CALN1: variants seen among roughly 807,000 people sequenced by gnomAD.
The protein encoded by CALN1 is calneuron 1.
In CALN1, 17 loss-of-function variants were observed where a neutral mutation model predicts 30.6. The observed-to-expected ratio is 0.56, with a 90% CI of 0.38 to 0.83. The LOEUF is 0.83. Ranked by LOEUF, CALN1 falls within the 40% of genes least tolerant of loss-of-function variation. The probability of loss-of-function intolerance (pLI) is 0.00; values close to 1 mark genes in which losing one functional copy is unlikely to be tolerated. For missense variants in CALN1, 291 were observed against 354.9 expected (o/e 0.82, Z 1.45); for synonymous variants, 156 against 131.4 (o/e 1.19, Z -1.28).
intron 3 of CALN1, among the ~76,000 whole-genome samples, chr7:72,174,028 C>G (rs1468395829): frequency 1.3e-5 from 2 of 151,032 alleles, no homozygotes; most frequent in African/African-American, 2.4e-5. Context: ...ATATTTGCAA[C>G]ATGCATGCAA....
At chr7:71,827,492 C>T (rs143250999) in intron 5 of CALN1, among the ~76,000 whole-genome samples, 42 of 152,160 alleles carry the variant, frequency 2.8e-4, no homozygotes, top group African/African-American at 9.2e-4. Flanking sequence ...AGAGTGAGGA[C>T]GGGCATGGTG....
chr7:72,384,816 T>A (rs1459633824), intron 2 of CALN1, among the ~76,000 whole-genome samples: 2 of 152,042 alleles, frequency 1.3e-5, no homozygotes, highest in Admixed American at 1.3e-4. Context: ...AATTACTAGT[T>A]TGGACATTAT....
At position 71,786,800 on chromosome 7, in the gene CALN1, G is replaced by C. The variant is rs1025648986; in HGVS notation, c.*975C>G. ...GGTCTCCATGACTCCAGATGGCTGG[G>C]TGTGGGTATCAAAACCTCACCGCCA... On this transcript the variant is annotated 3_prime_UTR_variant, in exon 7 of 7. Transcript: ENST00000395275. The C allele has an allele frequency of 3.3e-5, 5 of 152,186 alleles. No individual in the cohort carries two copies. Among genetic ancestry groups the C allele is most frequent in the Non-Finnish European group, 5.9e-5 (4 of 68,054 alleles). The allele number at this position is 152,186 out of a possible 1,614,324, so 9.4% of individuals were successfully genotyped here.
At chr7:72,446,084 G>A (rs550217136) in intron 1 of CALN1, among the ~76,000 whole-genome samples, 4 of 152,112 alleles carry the variant, frequency 2.6e-5, no homozygotes, top group Admixed American at 1.3e-4. Flanking sequence ...CCCCAGAGAT[G>A]ACTGTCACTC....
upstream of CALN1, chr7:72,412,365 T>TA (rs1318161231): frequency 1.3e-5 from 2 of 152,210 alleles, no homozygotes; most frequent in Non-Finnish European, 2.9e-5. Flanking sequence ...AGCCAGCTTT[T>TA]ATTCTCTTAT....
chr7:72,443,757 G>A lies in CALN1; in HGVS notation c.-226+3285C>T, dbSNP rs758004433. On this transcript the variant is annotated intron_variant, in intron 1 of 6. Transcript: ENST00000395276. ...GAGAACAGGGGGCAGCCAATCTCAC[G>A]TGGGTTCCTCCAACCCCTAGCTAGA... is the stretch of plus-strand genomic sequence containing the variant. Among the ~76,000 whole-genome samples, 6 of 151,982 alleles carry A rather than the reference G, an allele frequency of 3.9e-5. 1 individual carries two copies. In the East Asian group the frequency reaches 7.9e-4, roughly 20 times the overall value.
chr7:72,015,959 G>A (rs1263442679), intron 5 of CALN1, among the ~76,000 whole-genome samples: 4 of 152,082 alleles, frequency 2.6e-5, no homozygotes, highest in African/African-American at 9.7e-5. Context: ...GATTAAGAAT[G>A]GAAGAGAGGC....
In CALN1 at chr7:72,095,430, A is replaced by C. The variant is rs570229068; in HGVS notation, c.388+10721T>G. On this transcript the variant is annotated intron_variant, in intron 4 of 6. Transcript: ENST00000395275. ...AAAAGCACACAAGCCATAATTCACT[A>C]ACACAGAGTGAAATACAAAAGAGTT... 4.6e-5 allele frequency among the ~76,000 whole-genome samples: 7 copies of C among 152,330 alleles called. No homozygotes were observed. The South Asian group carries it at 1.2e-3, about 27-fold the overall frequency.
At chr7:72,282,504 G>A (rs1461609806) in intron 2 of CALN1, among the ~76,000 whole-genome samples, 1 of 152,132 alleles carries the variant, frequency 6.6e-6, no homozygotes, top group Non-Finnish European at 1.5e-5. Context: ...TCACTGATGG[G>A]ATTAATACCC....
chr7:72,181,397 A>T (rs1789795059), intron 3 of CALN1, among the ~76,000 whole-genome samples: 1 of 151,852 alleles, frequency 6.6e-6, no homozygotes, highest in Non-Finnish European at 1.5e-5. Context: ...GGGCAGTGGA[A>T]ATCCTTTCAG....
At chr7:71,904,964 G>A (rs1267800452) in intron 5 of CALN1, among the ~76,000 whole-genome samples, 1 of 151,934 alleles carries the variant, frequency 6.6e-6, no homozygotes, top group Non-Finnish European at 1.5e-5. Flanking sequence ...ATTGAGACGG[G>A]GTCTTGCTTT....
chr7:71,847,788 G>GAAGAA (rs1562835625), intron 5 of CALN1, among the ~76,000 whole-genome samples: 17 of 146,914 alleles, frequency 1.2e-4, no homozygotes, highest in East Asian at 2.2e-4. Context: ...AGAAGAAGAA[G>GAAGAA]AAGAAGAAAA....
At chr7:72,289,437 G>A (rs1554353334) in intron 2 of CALN1, among the ~76,000 whole-genome samples, 1 of 152,154 alleles carries the variant, frequency 6.6e-6, no homozygotes, top group Non-Finnish European at 1.5e-5. Flanking sequence ...CACAAAATTT[G>A]CAATATAGAC....
At chr7:71,955,332 G>T (rs546595052) in intron 5 of CALN1, among the ~76,000 whole-genome samples, 2 of 152,176 alleles carry the variant, frequency 1.3e-5, no homozygotes, top group Non-Finnish European at 2.9e-5. Context: ...TACAATTCAA[G>T]ATGAGATTTG....
chr7:71,813,042 G>A (rs1180914748), intron 5 of CALN1, among the ~76,000 whole-genome samples: 7 of 151,666 alleles, frequency 4.6e-5, no homozygotes, highest in Non-Finnish European at 7.4e-5. Context: ...TCCACCTCCC[G>A]AGTTCAAGTG....
intron 5 of CALN1, among the ~76,000 whole-genome samples, chr7:72,015,936 G>A (rs1367058493): frequency 6.6e-6 from 1 of 152,054 alleles, no homozygotes; most frequent in Non-Finnish European, 1.5e-5. Flanking sequence ...AAACTATTAA[G>A]GTTCCATTAG....
chr7:72,078,377 G>T (rs1804892737), intron 4 of CALN1, among the ~76,000 whole-genome samples: 1 of 152,054 alleles, frequency 6.6e-6, no homozygotes, highest in African/African-American at 2.4e-5. Context: ...GTGGGTTTTT[G>T]GTCCTCTTGG....
At chr7:72,212,588 C>CA (rs1554323513) in intron 3 of CALN1, among the ~76,000 whole-genome samples, 3 of 152,122 alleles carry the variant, frequency 2.0e-5, no homozygotes, top group African/African-American at 7.2e-5. Flanking sequence ...AGGAGGCTGA[C>CA]AGGATTGCTT....
At chr7:71,994,877 G>T (rs1799166998) in intron 5 of CALN1, among the ~76,000 whole-genome samples, 1 of 147,660 alleles carries the variant, frequency 6.8e-6, no homozygotes, top group Non-Finnish European at 1.5e-5. Context: ...TTTCGAGACG[G>T]AGTCTGGCTC....
Sources: gnomAD v4.1 joint callset for allele counts (sites outside exome capture counted in the v4.1 genomes callset) on GRCh38, gnomAD v4.1.1 for gene constraint, MANE v1.5 for transcripts, NCBI Gene and HGNC (gene_info 2026-07-23, HGNC 2026-07-21) for gene names.